SLCO1B3: variants seen among roughly 807,000 people sequenced by gnomAD.
The protein encoded by SLCO1B3 is liver-specific organic anion transporter 2.
Under a neutral mutation model 71.8 loss-of-function variants are expected in SLCO1B3, and 72 were observed. The ratio of observed to expected loss-of-function variants is 1.00; its 90% CI spans 0.83 to 1.22. SLCO1B3 has a LOEUF of 1.22. Among genes scored for constraint, SLCO1B3 ranks in the 50% most tolerant of loss-of-function variants. The pLI, the probability that SLCO1B3 is intolerant of heterozygous loss-of-function variation, is 0.00. For synonymous variants in SLCO1B3, 298 were observed against 278.4 expected (o/e 1.07, Z -0.70); for missense variants, 911 against 819.7 (o/e 1.11, Z -1.36).
intron 13 of SLCO1B3, among the ~76,000 whole-genome samples, chr12:20,890,945 A>G (rs1263947081): frequency 6.6e-6 from 1 of 152,142 alleles, no homozygotes; most frequent in Non-Finnish European, 1.5e-5. Context: ...TATGCAGCAT[A>G]TAGTTGGATT....
At chr12:20,892,703 A>AGAAAGAGGAGGAAGAAT (rs1865928080) in intron 13 of SLCO1B3, among the ~76,000 whole-genome samples, 1 of 152,194 alleles carries the variant, frequency 6.6e-6, no homozygotes, top group African/African-American at 2.4e-5. Context: ...GGAGGAAGAA[A>AGAAAGAGGAGGAAGAAT]AGAAAGAGTC....
At chr12:20,907,674 A>C (rs117151426) in intron 15 of SLCO1B3, among the ~76,000 whole-genome samples, 1,927 of 151,362 alleles carry the variant, frequency 0.013, 26 homozygotes, top group Middle Eastern at 0.052. Flanking sequence ...ACGGCAGGCT[A>C]ATTTTTTTGT....
At chr12:20,832,480 C>CA (rs959445040) in intron 3 of SLCO1B3, among the ~76,000 whole-genome samples, 4 of 147,246 alleles carry the variant, frequency 2.7e-5, no homozygotes, top group African/African-American at 7.8e-5. Flanking sequence ...TCTTTAACAA[C>CA]AAAAAAGTAA....
At chr12:20,834,629 A>G (rs960964009) in intron 3 of SLCO1B3, among the ~76,000 whole-genome samples, 27 of 152,034 alleles carry the variant, frequency 1.8e-4, no homozygotes, top group African/African-American at 6.3e-4. Flanking sequence ...TCTGGCAAAC[A>G]TCAGTGCTCA....
Position 20,858,582 on chromosome 12 carries a change from A to G in SLCO1B3, c.359+11A>G. ...TTTCTTCATGGGATAGTAAGTGTTA[A>G]ACAGCTCTGAGCCATTTATTATCAG... is the stretch of plus-strand genomic sequence containing the variant. On this transcript the variant is annotated intron_variant, in intron 5 of 15. Transcript: ENST00000381545. 1.2e-6 allele frequency: 2 copies of G among 1,602,338 alleles called. No individual in the cohort carries two copies.
At chr12:20,813,945 C>T (rs1864147772) in intron 2 of SLCO1B3, among the ~76,000 whole-genome samples, 1 of 152,110 alleles carries the variant, frequency 6.6e-6, no homozygotes, top group Non-Finnish European at 1.5e-5. Context: ...ATTATATAAT[C>T]AGTATCCTAT....
In SLCO1B3 at chr12:20,863,221, G is replaced by A. The variant is rs1242278233; in HGVS notation, c.727+367G>A. Among the ~76,000 whole-genome samples, 5 of 151,174 alleles carry A rather than the reference G, an allele frequency of 3.3e-5. No individual in the cohort carries two copies. The East Asian group carries it at 7.8e-4, about 24-fold the overall frequency. On this transcript the variant is annotated intron_variant, in intron 8 of 15. Coordinates refer to ENST00000381545, the MANE Select transcript of SLCO1B3 (RefSeq NM_019844.4). ...ACTCAGATGTTGATGTTTGCTTTGC[G>A]AAAGCCTCCTTGTGGCTGCTGCATT...
chr12:20,835,688 T>G (rs1864664163), intron 3 of SLCO1B3, among the ~76,000 whole-genome samples: 1 of 152,122 alleles, frequency 6.6e-6, no homozygotes, highest in African/African-American at 2.4e-5. Context: ...ATTCAACAAG[T>G]CTCTTGGAAG....
chr12:20,907,094 A>C (rs1463900203), intron 15 of SLCO1B3, among the ~76,000 whole-genome samples: 3 of 152,202 alleles, frequency 2.0e-5, no homozygotes, highest in African/African-American at 7.2e-5. Context: ...CATATATATT[A>C]TGTGAAAAAA....
chr12:20,883,819 TCTC>T (rs968934536), intron 13 of SLCO1B3, among the ~76,000 whole-genome samples: 11 of 142,032 alleles, frequency 7.7e-5, no homozygotes, highest in African/African-American at 2.5e-4. Flanking sequence ...TATACTTTCT[TCTC>T]TTTAATAAAA....
chr12:20,821,036 A>C (rs1172763977), intron 3 of SLCO1B3, among the ~76,000 whole-genome samples: 2 of 152,090 alleles, frequency 1.3e-5, no homozygotes, highest in Non-Finnish European at 2.9e-5. Flanking sequence ...ATTGGGAACT[A>C]GCTCGGCCTG....
intron 13 of SLCO1B3, among the ~76,000 whole-genome samples, chr12:20,887,432 T>C (rs905750602): frequency 2.0e-5 from 3 of 152,090 alleles, no homozygotes; most frequent in African/African-American, 7.2e-5. Context: ...TAAGATGATA[T>C]CTCATTACGG....
rs1866396254 is a variant in SLCO1B3 at position 20,912,304 on chromosome 12, TA to T, written c.1866-3699del. 2.9e-4 allele frequency among the ~76,000 whole-genome samples: 4 copies of T among 13,778 alleles called. No individual in the cohort carries two copies. In the Non-Finnish European group the frequency reaches 0.011, roughly 38 times the overall value. 9.0% of individuals were successfully genotyped at this position (13,778 alleles called of 152,430 possible). A position where few individuals can be genotyped will look rare whatever the true frequency, so the allele number is the denominator to read the frequency against. ...ATTTCTTCTATTTTATTTTTATTTTTATTTATTTATTTATTTATTTATTTAT... is the reference window on the plus strand; with the variant it reads ...ATTTCTTCTATTTTATTTTTATTTTTTTTATTTATTTATTTATTTATTTAT... On this transcript the variant is annotated intron_variant, in intron 15 of 15. Coordinates refer to ENST00000381545, the MANE Select transcript of SLCO1B3 (RefSeq NM_019844.4).
rs1221969813 is a variant in SLCO1B3, at chr12:20,855,121, G to A, written c.178G>A (p.Asp60Asn). ...ISITQIERRFDISSSLAGLID... is the reference protein window; with the variant it reads ...ISITQIERRFNISSSLAGLID... ...CATCACTCAAATAGAAAGGAGATTT[G>A]ACATATCCTCTTCTCTTGCTGGTTT... The change falls in exon 4 of 16, where the codon GAC becomes AAC. Residue 60 changes from aspartate to asparagine, a missense_variant. Transcript: ENST00000381545. The A allele has an allele frequency of 5.0e-6, 8 of 1,611,686 alleles. No individual in the cohort carries two copies. Among genetic ancestry groups the A allele is most frequent in the Admixed American group, 3.3e-5 (2 of 59,930 alleles).
chr12:20,849,931 A>G (rs931110477), intron 3 of SLCO1B3, among the ~76,000 whole-genome samples: 1 of 152,008 alleles, frequency 6.6e-6, no homozygotes, highest in African/African-American at 2.4e-5. Flanking sequence ...ATGGAAAAAC[A>G]TCCAGTGTTT....
chr12:20,854,983 G>A lies in SLCO1B3; in HGVS notation c.85-45G>A, dbSNP rs1263046769. On this transcript the variant is annotated intron_variant, in intron 3 of 15. Transcript: ENST00000381545. Reference sequence around the variant, plus strand: ...TCCATGTACCTATAAACATTATATAGTTCTTTGATTAACCAATTTTCATTT... The same window carrying A: ...TCCATGTACCTATAAACATTATATAATTCTTTGATTAACCAATTTTCATTT... 3.2e-6 allele frequency: 5 copies of A among 1,563,140 alleles called. No individual in the cohort carries two copies. The South Asian group carries it at 5.7e-5, about 18-fold the overall frequency.
At chr12:20,893,115 A>T (rs576154380) in intron 13 of SLCO1B3, among the ~76,000 whole-genome samples, 1 of 152,280 alleles carries the variant, frequency 6.6e-6, no homozygotes, top group South Asian at 2.1e-4. Context: ...CTTGTAACAG[A>T]TATATTAAAG....
chr12:20,890,824 A>G (rs553851044), intron 13 of SLCO1B3, among the ~76,000 whole-genome samples: 52 of 152,312 alleles, frequency 3.4e-4, no homozygotes, highest in African/African-American at 1.2e-3. Flanking sequence ...ATGCCAGTAT[A>G]ACTACTACTG....
intron 3 of SLCO1B3, among the ~76,000 whole-genome samples, chr12:20,853,620 CT>C (rs939052366): frequency 6.6e-6 from 1 of 151,908 alleles, no homozygotes; most frequent in Admixed American, 6.6e-5. Context: ...GTCTCTCTCT[CT>C]TTTTTATTTT....
Sources: gnomAD v4.1 joint callset for allele counts (sites outside exome capture counted in the v4.1 genomes callset) on GRCh38, gnomAD v4.1.1 for gene constraint, MANE v1.5 for transcripts, NCBI Gene and HGNC (gene_info 2026-07-23, HGNC 2026-07-21) for gene names.